AIG1: variants seen among roughly 807,000 people sequenced by gnomAD.
AIG1 encodes androgen-induced gene 1 protein.
AIG1 carries 23 observed loss-of-function variants against 31.4 expected under a neutral mutation model. That is an observed-to-expected ratio of 0.73 (90% CI 0.53 to 1.04). The LOEUF is 1.04. AIG1 is among the 50% of genes least tolerant of loss of function. The pLI, the probability that AIG1 is intolerant of heterozygous loss-of-function variation, is 0.00. For synonymous variants in AIG1, 100 were observed against 110.5 expected, an observed-to-expected ratio of 0.90 and a Z score of 0.60; for missense variants, 274 against 295.0, an observed-to-expected ratio of 0.93 and a Z score of 0.52.
At chr6:143,069,794 AT>A (rs1777085746) in intron 1 of AIG1, among the ~76,000 whole-genome samples, 1 of 152,198 alleles carries the variant, frequency 6.6e-6, no homozygotes, top group South Asian at 2.1e-4. Flanking sequence ...GCAAAAGTTC[AT>A]TTTGATGATA....
chr6:143,060,638 G>T (rs936170924), upstream of AIG1: 1 of 457,794 alleles, frequency 2.2e-6, no homozygotes, highest in Non-Finnish European at 4.5e-6. Context: ...GCGAACGCAG[G>T]AGCAGAATGA....
chr6:143,171,880 G>T (rs1317404144), intron 3 of AIG1, among the ~76,000 whole-genome samples: 1 of 152,000 alleles, frequency 6.6e-6, no homozygotes, highest in African/African-American at 2.4e-5. Flanking sequence ...ACCTTCACAG[G>T]AGTCAGATGG....
chr6:143,144,414 A>G (rs1042716553), intron 2 of AIG1, among the ~76,000 whole-genome samples: 5 of 152,204 alleles, frequency 3.3e-5, no homozygotes, highest in Non-Finnish European at 7.3e-5. Context: ...CAATAAGTAA[A>G]TTAAAATAGG....
chr6:143,308,802 G>T (rs543083776), intron 4 of AIG1, among the ~76,000 whole-genome samples: 1 of 152,196 alleles, frequency 6.6e-6, no homozygotes, highest in African/African-American at 2.4e-5. Flanking sequence ...TACGCCTTTA[G>T]TGCCTCCATT....
At chr6:143,343,053 T>C (rs371502714), downstream of AIG1, 26 of 789,518 alleles carry the variant, frequency 3.3e-5, no homozygotes, top group South Asian at 1.6e-4. Flanking sequence ...CACGAAGATA[T>C]GGACCATCAC....
At chr6:143,208,207 T>C (rs1176512448) in intron 3 of AIG1, among the ~76,000 whole-genome samples, 3 of 152,190 alleles carry the variant, frequency 2.0e-5, no homozygotes. Flanking sequence ...CCATGTCCTA[T>C]TGCACGGGTA....
At chr6:143,140,396 C>T (rs965058287) in intron 2 of AIG1, among the ~76,000 whole-genome samples, 11 of 152,112 alleles carry the variant, frequency 7.2e-5, no homozygotes, top group Middle Eastern at 3.4e-3. Flanking sequence ...ATGTTATTTC[C>T]CACCTTTCCT....
chr6:143,250,078 G>A, intron 3 of AIG1, among the ~76,000 whole-genome samples: 1 of 152,254 alleles, frequency 6.6e-6, no homozygotes, highest in East Asian at 1.9e-4. Flanking sequence ...CCTGCCCGGA[G>A]CAAGGCAGAC....
chr6:143,343,604 AT>A (rs1302992971), downstream of AIG1, among the ~76,000 whole-genome samples: 1 of 152,244 alleles, frequency 6.6e-6, no homozygotes, highest in Admixed American at 6.5e-5. Flanking sequence ...AAATAAAAAA[AT>A]AAAAATAAAA....
intron 3 of AIG1, among the ~76,000 whole-genome samples, chr6:143,208,828 A>C (rs1791351651): frequency 1.3e-5 from 2 of 152,122 alleles, no homozygotes; most frequent in Non-Finnish European, 2.9e-5. Flanking sequence ...CCTTAAAAAA[A>C]ATCTCCATTT....
intron 1 of AIG1, among the ~76,000 whole-genome samples, chr6:143,098,430 C>G (rs1779979534): frequency 6.6e-6 from 1 of 152,192 alleles, no homozygotes; most frequent in Non-Finnish European, 1.5e-5. Context: ...TTCTTAGCCT[C>G]CCTTACTGGT....
intron 3 of AIG1, among the ~76,000 whole-genome samples, chr6:143,202,755 C>T (rs556507353): frequency 6.6e-6 from 1 of 152,048 alleles, no homozygotes; most frequent in Non-Finnish European, 1.5e-5. Flanking sequence ...TATGGGGAAC[C>T]TGGATTTGAT....
At chr6:143,155,808 G>C (rs1456882803) in intron 2 of AIG1, among the ~76,000 whole-genome samples, 1 of 152,192 alleles carries the variant, frequency 6.6e-6, no homozygotes, top group Non-Finnish European at 1.5e-5. Context: ...AAGGGGACTG[G>C]GAAGAGCATT....
chr6:143,134,966 T>G (rs1783601934), intron 1 of AIG1, among the ~76,000 whole-genome samples: 1 of 152,052 alleles, frequency 6.6e-6, no homozygotes, highest in Non-Finnish European at 1.5e-5. Flanking sequence ...ACTTAAGATA[T>G]TTTCAGTTTA....
At chr6:143,249,483 T>C (rs1794854078) in intron 3 of AIG1, among the ~76,000 whole-genome samples, 3 of 152,130 alleles carry the variant, frequency 2.0e-5, no homozygotes, top group South Asian at 4.1e-4. Flanking sequence ...GTGAACATTG[T>C]TCATTGTCGC....
rs1307098992 is a variant in AIG1 at position 143,191,666 on chromosome 6, G to A, written c.399+26483G>A. On this transcript the variant is annotated intron_variant, in intron 3 of 5. Transcript: ENST00000357847. ...TGTTTGGGGAACATGGGAAGGTATG[G>A]GAAAGAAAGGAAGGGTGGGAGTCTA... is the stretch of plus-strand genomic sequence containing the variant. Among the ~76,000 whole-genome samples the A allele has an allele frequency of 3.9e-5, 6 of 152,036 alleles. No homozygotes were observed. The East Asian group carries it at 1.2e-3, about 29-fold the overall frequency.
intron 3 of AIG1, among the ~76,000 whole-genome samples, chr6:143,193,568 T>C (rs80258599): frequency 0.041 from 6,180 of 152,320 alleles, 382 homozygotes; most frequent in African/African-American, 0.14. Context: ...TAAATGATCA[T>C]AGCAATAGCA....
intron 1 of AIG1, among the ~76,000 whole-genome samples, chr6:143,094,764 A>T (rs1439633440): frequency 6.6e-6 from 1 of 152,154 alleles, no homozygotes; most frequent in Non-Finnish European, 1.5e-5. Flanking sequence ...AAAAAAAACA[A>T]CTTTATGCAA....
At chr6:143,077,880 G>C (rs962612581) in intron 1 of AIG1, among the ~76,000 whole-genome samples, 5 of 152,052 alleles carry the variant, frequency 3.3e-5, no homozygotes, top group African/African-American at 1.2e-4. Flanking sequence ...TTAACACTTG[G>C]TAGATGTAGT....
Sources: allele counts gnomAD v4.1 joint callset (sites outside exome capture counted in the v4.1 genomes callset), GRCh38; gene constraint gnomAD v4.1.1; transcripts MANE v1.5; gene names NCBI Gene and HGNC (gene_info 2026-07-23, HGNC 2026-07-21).